The following SI variants were observed in gnomAD, a reference collection of about 807,000 sequenced individuals.
SI encodes the protein sucrase-isomaltase, intestinal.
SI carries 235 observed loss-of-function variants against 253.3 expected under a neutral mutation model. The observed-to-expected ratio is 0.93, with a 90% CI of 0.83 to 1.03. SI has a LOEUF of 1.03. Among genes scored for constraint, SI ranks in the 50% least tolerant of loss-of-function variants. The pLI, the probability that SI is intolerant of heterozygous loss-of-function variation, is 0.00. For missense variants in SI, 2,442 were observed against 2,211.1 expected (o/e 1.10, Z -2.09); for synonymous variants, 819 against 712.0 (o/e 1.15, Z -2.39).
At chr3:164,998,795 A>T in intron 37 of SI, 122 bp from the exon 38 acceptor site, 1 of 818,720 alleles carries the variant, frequency 1.2e-6, no homozygotes, top group African/African-American at 1.7e-5. Flanking sequence ...CATTTATTAC[A>T]ACTGGCTCTT....
chr3:165,059,396 C>A (rs1004337249), intron 10 of SI, 97 bp from the exon 11 acceptor site: 61 of 1,196,524 alleles, frequency 5.1e-5, no homozygotes, highest in Admixed American at 4.2e-4. Flanking sequence ...ATAAACATAA[C>A]CCTTAAAAAA....
intron 19 of SI, among the ~76,000 whole-genome samples, 187 bp from the exon 20 acceptor site, chr3:165,039,321 A>G (rs1712697813): frequency 1.3e-5 from 2 of 152,108 alleles, no homozygotes; most frequent in African/African-American, 4.8e-5. Context: ...TAAAACTTAA[A>G]AAAGCAAAGA....
chr3:165,078,637 G>C (rs1715154153), upstream of SI: 1 of 151,678 alleles, frequency 6.6e-6, no homozygotes, highest in African/African-American at 2.4e-5. Flanking sequence ...TTACATAAAT[G>C]TTTCTCTCTG....
intron 1 of SI, 48 bp downstream of exon 1, chr3:165,078,385 T>G (rs1244529037): frequency 6.6e-6 from 1 of 152,048 alleles, no homozygotes; most frequent in African/African-American, 2.4e-5. Context: ...AAAATATAAT[T>G]AGTTGAAAAC....
rs778878703 is a variant in SI, at chr3:165,037,996, C to G, written c.2330G>C (p.Arg777Pro). The G allele has an allele frequency of 1.2e-6, 2 of 1,604,144 alleles. No individual in the cohort carries two copies. The highest frequency in any genetic ancestry group is 8.5e-7 in the Non-Finnish European group (1 of 1,171,880). ...GTCTGCTGGAAGATACATATCAACC[C>G]GTTGTTTCCTCCATGGCCTTTTTGC... is the stretch of plus-strand genomic sequence containing the variant. ...SGAKRPWRKQ[R>P]VDMYLPADKI... Residue 777 changes from arginine to proline, a missense_variant, in exon 21 of 48, where the codon CGG (arginine) becomes CCG (proline). Coordinates refer to ENST00000264382, the MANE Select transcript of SI (RefSeq NM_001041.4).
chr3:165,073,659 C>T (rs2108111920), intron 3 of SI, among the ~76,000 whole-genome samples: 1 of 152,072 alleles, frequency 6.6e-6, no homozygotes, highest in East Asian at 1.9e-4. Flanking sequence ...TATATAGAGT[C>T]AGCCCTCTGC....
intron 13 of SI, among the ~76,000 whole-genome samples, chr3:165,052,274 T>C (rs1375739426): frequency 6.6e-6 from 1 of 152,170 alleles, no homozygotes; most frequent in Non-Finnish European, 1.5e-5. Flanking sequence ...TGCATTAAAT[T>C]AAGATTTTTA....
At chr3:165,028,405 C>T (rs137927755) in intron 25 of SI, among the ~76,000 whole-genome samples, 16 of 151,340 alleles carry the variant, frequency 1.1e-4, no homozygotes, top group African/African-American at 3.1e-4. Flanking sequence ...CATCAAAACA[C>T]CATCATTATT....
rs199693015 is a variant in SI at position 165,075,952 on chromosome 3, T to C, written c.61A>G (p.Thr21Ala). Reference protein sequence around the residue: ...ISLIVLFVIVTIIAIALIVVL... With the variant: ...ISLIVLFVIVAIIAIALIVVL... ...ACAATTAAGGCAATAGCTATTATAGTAACTATGACAAAAAGGACAATCAGA... is the reference window on the plus strand; with the variant it reads ...ACAATTAAGGCAATAGCTATTATAGCAACTATGACAAAAAGGACAATCAGA... Residue 21 changes from threonine to alanine, a missense_variant, in exon 2 of 48, where the codon ACT becomes GCT. Physicochemically the swap from Thr to Ala is moderately conservative, Grantham distance 58 (BLOSUM62 0). Coordinates refer to ENST00000264382, the MANE Select transcript of SI (RefSeq NM_001041.4). 6 of 1,598,940 alleles carry C rather than the reference T, an allele frequency of 3.8e-6. No individual in the cohort carries two copies. In the East Asian group the frequency reaches 1.3e-4, roughly 36 times the overall value.
intron 25 of SI, among the ~76,000 whole-genome samples, chr3:165,029,172 T>C (rs1373277517): frequency 6.7e-6 from 1 of 150,356 alleles, no homozygotes; most frequent in Non-Finnish European, 1.5e-5. Flanking sequence ...AACAAACATA[T>C]GAAAAAATGA....
chr3:165,031,341 T>C (rs933588044), intron 24 of SI, among the ~76,000 whole-genome samples: 1 of 147,856 alleles, frequency 6.8e-6, no homozygotes, highest in Non-Finnish European at 1.5e-5. Flanking sequence ...AGCAGAATTA[T>C]GAAGATTATA....
intron 32 of SI, among the ~76,000 whole-genome samples, 190 bp from the exon 33 acceptor site, chr3:165,015,423 G>T (rs1718978917): frequency 1.3e-5 from 2 of 152,040 alleles, no homozygotes; most frequent in African/African-American, 4.8e-5. Flanking sequence ...AAATTCTAAG[G>T]ACTCTTGGAA....
At chr3:165,086,179 A>G in the SI span, among the ~76,000 whole-genome samples, 1 of 152,030 alleles carries the variant, frequency 6.6e-6, no homozygotes, top group Non-Finnish European at 1.5e-5. Context: ...GCTTGAACCC[A>G]GGAAGCAGAG....
At chr3:165,017,921 A>G in intron 29 of SI, 48 bp from the exon 30 acceptor site, 1 of 1,583,218 alleles carries the variant, frequency 6.3e-7, no homozygotes, top group Non-Finnish European at 8.7e-7. Context: ...ATACTAGTTT[A>G]TGAAAAAGTC....
chr3:165,076,537 T>C (rs571845105), intron 1 of SI, among the ~76,000 whole-genome samples: 71 of 151,866 alleles, frequency 4.7e-4, no homozygotes, highest in African/African-American at 1.3e-3. Context: ...ATTCCAACAC[T>C]ACTTTCCACA....
intron 3 of SI, among the ~76,000 whole-genome samples, chr3:165,071,740 C>G (rs920215046): frequency 1.3e-5 from 2 of 152,050 alleles, no homozygotes; most frequent in African/African-American, 4.8e-5. Flanking sequence ...ATCTCTTTCT[C>G]TCTGTGCACG....
chr3:165,009,680 T>A (rs931027438), intron 34 of SI, among the ~76,000 whole-genome samples: 1 of 152,070 alleles, frequency 6.6e-6, no homozygotes, highest in African/African-American at 2.4e-5. Flanking sequence ...CCTAGAGTAA[T>A]GGGGAAGCTT....
intron 37 of SI, among the ~76,000 whole-genome samples, chr3:165,002,712 GTAAT>G (rs1370622896): frequency 2.6e-5 from 4 of 151,528 alleles, no homozygotes; most frequent in Non-Finnish European, 4.4e-5. Context: ...CTTTATACAT[GTAAT>G]TAATTATTTA....
At chr3:165,003,593 G>A (rs907890668) in intron 37 of SI, among the ~76,000 whole-genome samples, 4 of 152,084 alleles carry the variant, frequency 2.6e-5, no homozygotes, top group East Asian at 1.9e-4. Flanking sequence ...TTTACTAAGC[G>A]AGAAATTTTA....
Sources: allele counts gnomAD v4.1 joint callset (sites outside exome capture counted in the v4.1 genomes callset), GRCh38; gene constraint gnomAD v4.1.1; transcripts MANE v1.5; gene names NCBI Gene and HGNC (gene_info 2026-07-23, HGNC 2026-07-21).